FHOD3: variants seen among roughly 807,000 people sequenced by gnomAD.
FHOD3 encodes FH1/FH2 domain-containing protein 3.
Under a neutral mutation model 173.0 loss-of-function variants are expected in FHOD3, and 90 were observed. The ratio of observed to expected loss-of-function variants is 0.52; its 90% CI spans 0.44 to 0.62. The LOEUF (loss-of-function observed/expected upper bound fraction) is 0.62. FHOD3 is among the 20% of genes least tolerant of loss of function. FHOD3 has a pLI of 0.00. For synonymous variants in FHOD3, 828 were observed against 823.0 expected (o/e 1.01, Z -0.10); for missense variants, 1,945 against 2,034.7 (o/e 0.96, Z 0.85).
intron 17 of FHOD3, among the ~76,000 whole-genome samples, chr18:36,694,781 G>A (rs537553546): frequency 1.3e-5 from 2 of 152,316 alleles, no homozygotes; most frequent in South Asian, 2.1e-4. Context: ...GTCTGTAAAT[G>A]TCATTTGTCC....
intron 6 of FHOD3, among the ~76,000 whole-genome samples, chr18:36,577,427 A>G (rs957840687): frequency 9.2e-5 from 14 of 152,136 alleles, no homozygotes; most frequent in South Asian, 2.1e-4. Flanking sequence ...CTGTCTCCCA[A>G]GTAGGTGGGA....
intron 3 of FHOD3, among the ~76,000 whole-genome samples, chr18:36,416,939 C>T (rs1054640458): frequency 7.9e-5 from 12 of 151,852 alleles, no homozygotes; most frequent in Non-Finnish European, 1.2e-4. Context: ...TTCATTCCCA[C>T]CCACCACTCC....
intron 3 of FHOD3, among the ~76,000 whole-genome samples, chr18:36,387,408 A>G (rs1273902205): frequency 6.6e-6 from 1 of 152,178 alleles, no homozygotes; most frequent in African/African-American, 2.4e-5. Flanking sequence ...TGTTGTTATT[A>G]CTGTCAAAAT....
intron 3 of FHOD3, among the ~76,000 whole-genome samples, chr18:36,419,072 T>C (rs556524022): frequency 6.6e-6 from 1 of 152,152 alleles, no homozygotes; most frequent in African/African-American, 2.4e-5. Flanking sequence ...AAGGTTAAAA[T>C]CATGGTCTAT....
At chr18:36,597,990 C>G (rs2030756892) in intron 7 of FHOD3, among the ~76,000 whole-genome samples, 1 of 152,156 alleles carries the variant, frequency 6.6e-6, no homozygotes, top group South Asian at 2.1e-4. Context: ...TGGAATTAAA[C>G]ATATAAATAT....
At chr18:36,595,672 A>G (rs1228467268) in intron 7 of FHOD3, among the ~76,000 whole-genome samples, 1 of 152,226 alleles carries the variant, frequency 6.6e-6, no homozygotes, top group East Asian at 1.9e-4. Context: ...CAGAGCCAGC[A>G]GGCATGCTGC....
At position 36,745,560 on chromosome 18, in the gene FHOD3, CTTCT is replaced by C. The variant is rs566437605; in HGVS notation, c.4041+1368_4041+1371del. 1.4e-4 allele frequency among the ~76,000 whole-genome samples: 21 copies of C among 152,250 alleles called. No homozygotes were observed. The South Asian group carries it at 4.4e-3, about 32-fold the overall frequency. On this transcript the variant is annotated intron_variant, in intron 23 of 28. Transcript: ENST00000590592. ...TGCGAACTCTTTCCCCTTCATTGTC[CTTCT>C]AAGGGTGGGCCTGGAGGTCTGAAGT...
At chr18:36,450,816 A>C (rs1220155614) in intron 3 of FHOD3, among the ~76,000 whole-genome samples, 1 of 152,104 alleles carries the variant, frequency 6.6e-6, no homozygotes, top group South Asian at 2.1e-4. Flanking sequence ...AACAAACAAA[A>C]AACCAAAAAC....
intron 3 of FHOD3, among the ~76,000 whole-genome samples, chr18:36,448,264 C>T (rs1198035469): frequency 6.6e-6 from 1 of 152,174 alleles, no homozygotes; most frequent in African/African-American, 2.4e-5. Context: ...TAGACAGAGT[C>T]CACTCTGTAT....
chr18:36,658,170 A>G lies in FHOD3; in HGVS notation c.1817A>G (p.Gln606Arg), dbSNP rs772806539. The change falls in exon 14 of 29, where the codon CAG becomes CGG. Residue 606 changes from glutamine (Q) to arginine (R), a missense_variant. Gln to Arg is a conservative substitution (Grantham distance 43). Around this residue, in one of 5 missense-constraint regions of FHOD3, gnomAD observed 1,099 missense variants for 1,051.2 expected, o/e 1.05. Transcript: ENST00000590592. ...CCCACATCATCCGTCTCACCCCCAC[A>G]GGAGGCCAGGTTGGAAAGGTGAGTT... ...TTPTSSVSPP[Q>R]EARLERSSPS... The G allele has an allele frequency of 1.3e-5, 20 of 1,585,962 alleles. No individual in the cohort carries two copies. Among genetic ancestry groups the G allele is most frequent in the Non-Finnish European group, 1.5e-5 (17 of 1,169,088 alleles).
chr18:36,688,378 C>A (rs548197464), intron 16 of FHOD3, among the ~76,000 whole-genome samples: 3 of 152,334 alleles, frequency 2.0e-5, no homozygotes, highest in African/African-American at 7.2e-5. Context: ...GTCTCTGAGG[C>A]AGGGAAGAGT....
At chr18:36,606,356 C>T (rs928813304) in intron 8 of FHOD3, among the ~76,000 whole-genome samples, 1 of 151,896 alleles carries the variant, frequency 6.6e-6, no homozygotes, top group Admixed American at 6.6e-5. Context: ...TGGTAGAGGG[C>T]AAGGGGGTTG....
chr18:36,723,550 T>C (rs12965572), intron 19 of FHOD3, among the ~76,000 whole-genome samples: 1 of 152,238 alleles, frequency 6.6e-6, no homozygotes, highest in East Asian at 1.9e-4. Context: ...AAATATCCTG[T>C]GGCATCACTC....
chr18:36,672,628 A>T (rs2037605913), intron 14 of FHOD3, among the ~76,000 whole-genome samples: 1 of 152,230 alleles, frequency 6.6e-6, no homozygotes, highest in Admixed American at 6.5e-5. Flanking sequence ...TGATTGCTAC[A>T]TTGGCCAAAG....
rs2042827247 is a variant in FHOD3, at chr18:36,760,594, C to T, written c.4450-14C>T. 1 of 1,552,462 alleles carries T rather than the reference C, an allele frequency of 6.4e-7. No individual in the cohort carries two copies. Among genetic ancestry groups the T allele is most frequent in the Non-Finnish European group, 8.7e-7 (1 of 1,144,000 alleles). On this transcript the variant is annotated splice_polypyrimidine_tract_variant and intron_variant, in intron 26 of 28. Transcript: ENST00000590592. ...GAGTCTCCCTCACCTGCTAACTTCC[C>T]CTTGGTTTTGCAGTCTGGCAAGTTC... is the stretch of plus-strand genomic sequence containing the variant.
chr18:36,651,732 T>C (rs2036064441), intron 11 of FHOD3, among the ~76,000 whole-genome samples: 1 of 149,384 alleles, frequency 6.7e-6, no homozygotes, highest in Non-Finnish European at 1.5e-5. Context: ...AGCAAAACTC[T>C]GTTCAAAAAA....
chr18:36,326,032 T>A (rs1220392596), intron 1 of FHOD3, among the ~76,000 whole-genome samples: 1 of 152,230 alleles, frequency 6.6e-6, no homozygotes, highest in Admixed American at 6.5e-5. Flanking sequence ...AGGGTGTTTA[T>A]CTCTGCAGTG....
Position 36,598,672 on chromosome 18 carries a change from T to A in FHOD3, c.718+3774T>A, listed in dbSNP as rs570288473. Among the ~76,000 whole-genome samples the A allele has an allele frequency of 3.3e-5, 5 of 152,194 alleles. No individual in the cohort carries two copies. In the East Asian group the frequency reaches 9.7e-4, roughly 29 times the overall value. The stretch of plus-strand genomic sequence containing the variant: ...GTTACGCCATTCTTCTGCCTCAGCC[T>A]CCCGAGTAGTTGCACTACAGGCACC... On this transcript the variant is annotated intron_variant, in intron 7 of 28. Transcript: ENST00000590592.
chr18:36,477,007 C>G (rs903559315), intron 3 of FHOD3, among the ~76,000 whole-genome samples: 1 of 152,166 alleles, frequency 6.6e-6, no homozygotes, highest in Non-Finnish European at 1.5e-5. Context: ...GGTGATACAA[C>G]TTGGTGTGCT....
Sources: gnomAD v4.1 joint callset for allele counts (sites outside exome capture counted in the v4.1 genomes callset) on GRCh38, gnomAD v4.1.1 for gene constraint, gnomAD v4.1.1 regional missense constraint, MANE v1.5 for transcripts, NCBI Gene and HGNC (gene_info 2026-07-23, HGNC 2026-07-21) for gene names.